Variants in GTF3C2 observed in about 807,000 individuals in gnomAD.
GTF3C2 encodes the protein general transcription factor IIIC subunit 2.
A neutral mutation model predicts 117.4 loss-of-function variants in GTF3C2; 17 were observed. The observed-to-expected ratio is 0.14, with a 90% CI of 0.10 to 0.22. The LOEUF is 0.22. Among genes scored for constraint, GTF3C2 ranks in the 10% least tolerant of loss-of-function variants. The pLI, the probability that GTF3C2 is intolerant of heterozygous loss-of-function variation, is 1.00. For missense variants in GTF3C2, 888 were observed against 1,143.6 expected (o/e 0.78, Z 3.22); for synonymous variants, 437 against 427.0 (o/e 1.02, Z -0.29).
intron 1 of GTF3C2, among the ~76,000 whole-genome samples, chr2:27,347,194 G>A (rs934167731): frequency 1.3e-5 from 2 of 152,160 alleles, no homozygotes; most frequent in African/African-American, 4.8e-5. Flanking sequence ...CTGTGACAAA[G>A]GGGCAGACAT....
chr2:27,350,578 T>C, intron 1 of GTF3C2: 4 of 839,236 alleles, frequency 4.8e-6, no homozygotes, highest in Non-Finnish European at 5.7e-6. Flanking sequence ...GGTGGGAGGA[T>C]CGCTTGAGGC....
chr2:27,337,527 C>T (rs1206119025), exon 6 of GTF3C2: 20 of 1,612,316 alleles, frequency 1.2e-5, no homozygotes, highest in Admixed American at 1.7e-5. Flanking sequence ...ATCCACTCAG[C>T]AAACTCCCAG....
chr2:27,356,337 G>A (rs1454883554), intron 1 of GTF3C2: 2 of 342,542 alleles, frequency 5.8e-6, no homozygotes, highest in African/African-American at 4.3e-5. Context: ...GCCATCACCT[G>A]CCCTTCTTCA....
At chr2:27,356,686 G>C (rs1297626253) in intron 1 of GTF3C2, 53 bp downstream of exon 1, 1 of 153,106 alleles carries the variant, frequency 6.5e-6, no homozygotes, top group African/African-American at 2.4e-5. Flanking sequence ...GCAAAAGAAG[G>C]GGGAGGAGTA....
At chr2:27,337,223 G>C (rs369886994) in intron 7 of GTF3C2, 21 bp downstream of exon 7, 156 of 1,399,322 alleles carry the variant, frequency 1.1e-4, no homozygotes, top group Non-Finnish European at 1.5e-4. Flanking sequence ...TCAGAAAAAA[G>C]GGCGGATGTG....
exon 2 of GTF3C2, chr2:27,343,478 G>A (rs1297608496): frequency 1.2e-6 from 2 of 1,613,976 alleles, no homozygotes; most frequent in East Asian, 2.2e-5. Flanking sequence ...CTCTTGTCCA[G>A]GAGAGTCTAC....
At chr2:27,337,214 C>T (rs746379542) in intron 7 of GTF3C2, 30 bp downstream of exon 7, 97 of 1,312,418 alleles carry the variant, frequency 7.4e-5, no homozygotes, top group Non-Finnish European at 1.0e-4. Context: ...CTCCTAGAAT[C>T]AGAAAAAAGG....
intron 1 of GTF3C2, among the ~76,000 whole-genome samples, chr2:27,352,879 ACTTTT>A (rs1453894058): frequency 6.6e-6 from 1 of 152,132 alleles, no homozygotes; most frequent in Admixed American, 6.6e-5. Flanking sequence ...TGAAACATTC[ACTTTT>A]CTTGAGAAGC....
exon 3 of GTF3C2, chr2:27,343,134 C>G: frequency 1.3e-6 from 2 of 1,574,854 alleles, no homozygotes; most frequent in Non-Finnish European, 1.7e-6. Flanking sequence ...CCTTTGACAT[C>G]TCTGAAGAAA....
chr2:27,337,753 T>A (rs1293977829), intron 5 of GTF3C2, 173 bp downstream of exon 5: 2 of 694,700 alleles, frequency 2.9e-6, no homozygotes, highest in Admixed American at 4.5e-5. Flanking sequence ...TTATTTCACT[T>A]TAATTAAAGA....
chr2:27,329,869 C>T lies in GTF3C2; in HGVS notation c.1733-346G>A, dbSNP rs141919352. Among the ~76,000 whole-genome samples, 7 of 152,234 alleles carry T rather than the reference C, an allele frequency of 4.6e-5. No homozygotes were observed. Among genetic ancestry groups the T allele is most frequent in the East Asian group, 3.9e-4 (2 of 5,184 alleles). On this transcript the variant is annotated intron_variant, in intron 12 of 18. Coordinates refer to ENST00000264720, the Ensembl canonical transcript of GTF3C2. The surrounding 1 kb of genome is among the most constrained non-coding windows in gnomAD (Gnocchi z 4.5). ...TTTTAAAAAGCATAGGTGGGGCACACGGTGGCTCATGCCTGTAATCTCAAC... is the reference window on the plus strand; with the variant it reads ...TTTTAAAAAGCATAGGTGGGGCACATGGTGGCTCATGCCTGTAATCTCAAC...
rs1464769828 is a variant in GTF3C2 at position 27,335,913 on chromosome 2, G to T, written c.1467+4C>A. 2.5e-6 allele frequency: 4 copies of T among 1,574,506 alleles called. No homozygotes were observed. Among genetic ancestry groups the T allele is most frequent in the African/African-American group, 1.3e-5 (1 of 74,260 alleles). ...GGGCCATCCCACAGTTGACTGGGAA[G>T]TACCTTCCGAGGGGTGCCTGGAAGT... On this transcript the variant is annotated splice_donor_region_variant and intron_variant, in intron 9 of 18. Transcript: ENST00000264720.
chr2:27,353,381 C>CA (rs534971452), intron 1 of GTF3C2, among the ~76,000 whole-genome samples: 1,887 of 123,034 alleles, frequency 0.015, 16 homozygotes, highest in African/African-American at 0.028. Flanking sequence ...GACTCCGTCT[C>CA]AAAAAAAAAA....
rs775345748 is a variant in GTF3C2, at chr2:27,328,615, TTTCATTCATTCATATA to T, written c.2128-35_2128-20del. On this transcript the variant is annotated intron_variant, in intron 15 of 18. Transcript: ENST00000264720. Reference sequence around the variant, plus strand: ...AAAGACTCTAATAGAAAGAGACAGATTTCATTCATTCATATATTCATTCAGAGCTATGAACTGGTAA... The same window carrying T: ...AAAGACTCTAATAGAAAGAGACAGATTTCATTCAGAGCTATGAACTGGTAA... The T allele has an allele frequency of 6.2e-7, 1 of 1,600,472 alleles. No homozygotes were observed. Among genetic ancestry groups the T allele is most frequent in the South Asian group, 1.1e-5 (1 of 90,640 alleles).
At chr2:27,335,365 A>G (rs981845195) in intron 10 of GTF3C2, 1 of 656,634 alleles carries the variant, frequency 1.5e-6, no homozygotes, top group African/African-American at 1.8e-5. Context: ...AGAGCACAGA[A>G]GAGGGAAGAA....
intron 1 of GTF3C2, among the ~76,000 whole-genome samples, chr2:27,348,072 C>A (rs1269950341): frequency 1.3e-5 from 2 of 152,126 alleles, no homozygotes; most frequent in Non-Finnish European, 2.9e-5. Flanking sequence ...AGTTTGAGAC[C>A]ACCTGGCCAA....
chr2:27,326,601 G>A, exon 19 of GTF3C2: 2 of 1,138,096 alleles, frequency 1.8e-6, no homozygotes, highest in Non-Finnish European at 2.6e-6. Flanking sequence ...AAGGCCCCCA[G>A]TTCCTATGGC....
exon 3 of GTF3C2, chr2:27,342,924 T>A (rs752674406): frequency 1.2e-6 from 2 of 1,614,186 alleles, no homozygotes; most frequent in South Asian, 1.1e-5. Context: ...CTAGGTCTTT[T>A]GACAACTTCA....
At chr2:27,331,630 C>T (rs912326029) in intron 12 of GTF3C2, among the ~76,000 whole-genome samples, 5 of 151,982 alleles carry the variant, frequency 3.3e-5, no homozygotes, top group Admixed American at 3.3e-4. Context: ...TGGCCAATAA[C>T]ACTGTCATTT....
Sources: allele counts gnomAD v4.1 joint callset (sites outside exome capture counted in the v4.1 genomes callset), GRCh38; gene constraint gnomAD v4.1.1; non-coding constraint Gnocchi (gnomAD v3.1); transcripts MANE v1.5; gene names NCBI Gene and HGNC (gene_info 2026-07-23, HGNC 2026-07-21).